Variants in CENPU observed in about 807,000 individuals in gnomAD.
CENPU encodes KSHV latent nuclear antigen interacting protein 1.
Under a neutral mutation model 56.7 loss-of-function variants are expected in CENPU, and 46 were observed. That is an observed-to-expected ratio of 0.81 (90% confidence interval 0.64 to 1.04). The LOEUF is 1.04. Ranked by LOEUF, CENPU falls within the 50% of genes least tolerant of loss-of-function variation. The pLI is 0.00. For synonymous variants in CENPU, 166 were observed against 163.0 expected (o/e 1.02, Z -0.14); for missense variants, 510 against 490.1 (o/e 1.04, Z -0.38).
chr4:184,717,977 T>C (rs190029159), intron 4 of CENPU, among the ~76,000 whole-genome samples: 4 of 152,132 alleles, frequency 2.6e-5, no homozygotes, highest in Non-Finnish European at 5.9e-5. Context: ...AGAGCACAGA[T>C]AGAATGTATT....
chr4:184,703,114 G>T (rs1760597437), intron 8 of CENPU, among the ~76,000 whole-genome samples: 1 of 152,084 alleles, frequency 6.6e-6, no homozygotes, highest in Non-Finnish European at 1.5e-5. Flanking sequence ...AAAAGAAAAA[G>T]AACAAACATA....
intron 8 of CENPU, 34 bp from the exon 9 acceptor site, chr4:184,702,475 T>C: frequency 6.7e-7 from 1 of 1,495,322 alleles, no homozygotes; most frequent in South Asian, 1.2e-5. Flanking sequence ...CTAAGTACCA[T>C]GATGGATTTT....
At chr4:184,733,219 G>C (rs1761717179) in intron 1 of CENPU, 1 of 580,840 alleles carries the variant, frequency 1.7e-6, no homozygotes, top group South Asian at 7.6e-5. Flanking sequence ...ACTGGCCACA[G>C]AAGTCTGGTC....
At chr4:184,705,985 C>T (rs573618835) in intron 8 of CENPU, among the ~76,000 whole-genome samples, 4 of 152,230 alleles carry the variant, frequency 2.6e-5, no homozygotes, top group East Asian at 1.9e-4. Context: ...TGTGATTTAA[C>T]GGGTACAGAA....
intron 4 of CENPU, among the ~76,000 whole-genome samples, chr4:184,720,813 T>C (rs1295673849): frequency 6.6e-6 from 1 of 152,018 alleles, no homozygotes; most frequent in African/African-American, 2.4e-5. Flanking sequence ...GAAAAAGAAA[T>C]AAAGACTTTC....
chr4:184,697,218 A>G (rs988325022), intron 12 of CENPU, among the ~76,000 whole-genome samples: 2 of 152,034 alleles, frequency 1.3e-5, no homozygotes, highest in African/African-American at 4.8e-5. Flanking sequence ...TACCACTTAT[A>G]CGGGAAAATA....
intron 11 of CENPU, among the ~76,000 whole-genome samples, chr4:184,698,873 TC>T (rs1760432042): frequency 6.8e-6 from 1 of 147,582 alleles, no homozygotes; most frequent in Non-Finnish European, 1.5e-5. Context: ...CTCCCTGACT[TC>T]CTAGGGCTGC....
chr4:184,701,369 A>T (rs1028362338), intron 10 of CENPU, among the ~76,000 whole-genome samples: 1 of 152,220 alleles, frequency 6.6e-6, no homozygotes, highest in African/African-American at 2.4e-5. Flanking sequence ...GAAATGACCA[A>T]TAAGAGATTA....
At chr4:184,707,707 G>A (rs1240494935) in intron 8 of CENPU, among the ~76,000 whole-genome samples, 1 of 152,174 alleles carries the variant, frequency 6.6e-6, no homozygotes, top group Non-Finnish European at 1.5e-5. Flanking sequence ...TATACATACT[G>A]TCTGACAGAA....
rs1200511582 is a variant in CENPU, at chr4:184,716,579, C to T, written c.436G>A (p.Asp146Asn). 1 of 1,614,196 alleles carries T rather than the reference C, an allele frequency of 6.2e-7. No homozygotes were observed. The highest frequency in any genetic ancestry group is 1.1e-5 in the South Asian group (1 of 91,082). Residue 146 changes from aspartate to asparagine, a missense_variant, in exon 6 of 13, where the codon GAT (aspartate) becomes AAT (asparagine). By Grantham distance (23) the Asp-to-Asn change is conservative. Transcript: ENST00000281453. The part of the protein sequence containing the change: ...SDDSESIEES[D>N]TRRKVKSAEK... Reference sequence around the variant, plus strand: ...GCTGATTTAACTTTTCTCCTTGTATCACTTTCTTCAATGCTTTCAGAGTCA... The same window carrying T: ...GCTGATTTAACTTTTCTCCTTGTATTACTTTCTTCAATGCTTTCAGAGTCA...
chr4:184,694,415 A>ATCTG lies in CENPU; in HGVS notation c.*869_*872dup, dbSNP rs1429964995. The stretch of plus-strand genomic sequence containing the variant: ...ATTCCTCCTGCATATTCACTTTAGT[A>ATCTG]TCTGTCACTTAATACCTTACTTCAA... On this transcript the variant is annotated 3_prime_UTR_variant, in exon 13 of 13. Transcript: ENST00000281453. 6.9e-7 allele frequency: 1 copy of ATCTG among 1,457,214 alleles called. No individual in the cohort carries two copies. The highest frequency in any genetic ancestry group is 9.1e-7 in the Non-Finnish European group (1 of 1,104,036). 90.3% of individuals were successfully genotyped at this position (1,457,214 alleles called of 1,614,324 possible). A position where few individuals can be genotyped will look rare whatever the true frequency, so the allele number is the denominator to read the frequency against.
chr4:184,713,755 G>A (rs1484797821), intron 6 of CENPU: 1 of 152,286 alleles, frequency 6.6e-6, no homozygotes, highest in African/African-American at 2.4e-5. Context: ...GGGGAAACTT[G>A]GAAGGTGAAC....
intron 12 of CENPU, among the ~76,000 whole-genome samples, chr4:184,697,250 G>C (rs1187506049): frequency 6.6e-6 from 1 of 152,118 alleles, no homozygotes; most frequent in East Asian, 1.9e-4. Flanking sequence ...ATATGCAAAA[G>C]ATGCCGTGAA....
chr4:184,706,383 G>A (rs1297126051), intron 8 of CENPU, among the ~76,000 whole-genome samples: 3 of 152,088 alleles, frequency 2.0e-5, no homozygotes, highest in Non-Finnish European at 2.9e-5. Flanking sequence ...AACTGGTCAG[G>A]CCTCTCTGCA....
chr4:184,716,838 C>G (rs917478170), intron 5 of CENPU, among the ~76,000 whole-genome samples: 6 of 152,204 alleles, frequency 3.9e-5, no homozygotes, highest in Non-Finnish European at 5.9e-5. Context: ...CAGCAATTCA[C>G]TCTGCCTTTT....
intron 8 of CENPU, among the ~76,000 whole-genome samples, chr4:184,705,850 A>C (rs1371086809): frequency 6.6e-6 from 1 of 152,232 alleles, no homozygotes; most frequent in African/African-American, 2.4e-5. Flanking sequence ...GAAATAAGCC[A>C]GTCACAAAAA....
At chr4:184,722,264 T>C (rs1391299492) in intron 4 of CENPU, among the ~76,000 whole-genome samples, 1 of 152,146 alleles carries the variant, frequency 6.6e-6, no homozygotes, top group African/African-American at 2.4e-5. Flanking sequence ...AGTTTACAGC[T>C]ATAAGCGCCT....
chr4:184,703,888 T>C (rs987373507), intron 8 of CENPU, among the ~76,000 whole-genome samples: 2 of 152,170 alleles, frequency 1.3e-5, no homozygotes, highest in African/African-American at 4.8e-5. Flanking sequence ...GAGCTAAAAA[T>C]TTCTAATCAC....
chr4:184,698,924 A>G (rs1760433769), intron 11 of CENPU, among the ~76,000 whole-genome samples: 1 of 152,194 alleles, frequency 6.6e-6, no homozygotes, highest in South Asian at 2.1e-4. Context: ...AGGTTTTCAT[A>G]TGGCAAGTTA....
Sources: allele counts gnomAD v4.1 joint callset (sites outside exome capture counted in the v4.1 genomes callset), GRCh38; gene constraint gnomAD v4.1.1; transcripts MANE v1.5; gene names NCBI Gene and HGNC (gene_info 2026-07-23, HGNC 2026-07-21).